The following PDE7A variants were observed in gnomAD, a reference collection of about 807,000 sequenced individuals.
PDE7A encodes the protein high affinity 3',5'-cyclic-AMP phosphodiesterase 7A.
PDE7A carries 39 observed loss-of-function variants against 64.3 expected under a neutral mutation model. The observed-to-expected ratio is 0.61, with a 90% CI of 0.47 to 0.79. PDE7A has a LOEUF of 0.79. Among genes scored for constraint, PDE7A ranks in the 30% least tolerant of loss-of-function variants. The probability of loss-of-function intolerance (pLI) is 0.00; values close to 1 mark genes in which losing one functional copy is unlikely to be tolerated. For synonymous variants in PDE7A, 203 were observed against 206.8 expected, an observed-to-expected ratio of 0.98 and a Z score of 0.16; for missense variants, 470 against 582.8, an observed-to-expected ratio of 0.81 and a Z score of 1.99.
At chr8:65,784,725 C>T (rs1326697006) in intron 1 of PDE7A, among the ~76,000 whole-genome samples, 1 of 150,672 alleles carries the variant, frequency 6.6e-6, no homozygotes, top group African/African-American at 2.4e-5. Context: ...ACTATCCTCC[C>T]ACCAAAAAAA....
chr8:65,742,123 T>C (rs1364262513), intron 5 of PDE7A, among the ~76,000 whole-genome samples: 1 of 152,224 alleles, frequency 6.6e-6, no homozygotes, highest in Non-Finnish European at 1.5e-5. Flanking sequence ...GAAGAACTTT[T>C]TAAAAAATGG....
At chr8:65,745,042 C>T (rs2128905146) in intron 5 of PDE7A, among the ~76,000 whole-genome samples, 1 of 152,220 alleles carries the variant, frequency 6.6e-6, no homozygotes, top group African/African-American at 2.4e-5. Flanking sequence ...GGTGCTTTCC[C>T]CCACACTGTT....
chr8:65,809,859 G>C (rs910963681), intron 1 of PDE7A, among the ~76,000 whole-genome samples: 2 of 152,216 alleles, frequency 1.3e-5, no homozygotes, highest in African/African-American at 4.8e-5. Flanking sequence ...AGGTGCTGGA[G>C]AGGATGTGGA....
intron 7 of PDE7A, 134 bp from the exon 8 acceptor site, chr8:65,727,435 T>TG: frequency 7.7e-7 from 1 of 1,299,296 alleles, no homozygotes; most frequent in Non-Finnish European, 1.0e-6. Context: ...CTCAGGTGGT[T>TG]GTTCATTAGG....
rs954147207 is a variant in PDE7A at position 65,715,333 on chromosome 8, C to T, written c.*3957G>A. ...GCAGGACTGCTTGAGCCCAAGAGTT[C>T]AAGACCAGCCAAGCCAACAAAGAGA... On this transcript the variant is annotated 3_prime_UTR_variant, in exon 13 of 13. Transcript: ENST00000401827. 6.6e-6 allele frequency among the ~76,000 whole-genome samples: 1 copy of T among 151,152 alleles called. No homozygotes were observed. Among genetic ancestry groups the T allele is most frequent in the Non-Finnish European group, 1.5e-5 (1 of 67,816 alleles).
intron 1 of PDE7A, among the ~76,000 whole-genome samples, chr8:65,809,632 C>T (rs570724305): frequency 1.3e-5 from 2 of 152,250 alleles, no homozygotes; most frequent in African/African-American, 4.8e-5. Context: ...CCAGAATCTA[C>T]AAAGAACTTA....
At chr8:65,742,462 T>C (rs1192538358) in intron 5 of PDE7A, among the ~76,000 whole-genome samples, 1 of 152,324 alleles carries the variant, frequency 6.6e-6, no homozygotes, top group South Asian at 2.1e-4. Context: ...TGGGAACGAT[T>C]TGTCTTGGCA....
chr8:65,821,620 C>T (rs1237719055), intron 1 of PDE7A, among the ~76,000 whole-genome samples: 1 of 152,078 alleles, frequency 6.6e-6, no homozygotes, highest in Non-Finnish European at 1.5e-5. Context: ...CAATATGTAC[C>T]ATAAATGTTC....
chr8:65,739,615 A>G lies in PDE7A; in HGVS notation c.500-18T>C. The stretch of plus-strand genomic sequence containing the variant: ...ACTATTTCCTAAAAAGAAAGAAGAG[A>G]CATTACATTAGTAGGAAATACAAGT... On this transcript the variant is annotated intron_variant, in intron 5 of 12. Transcript: ENST00000401827. The G allele has an allele frequency of 6.7e-7, 1 of 1,496,306 alleles. No homozygotes were observed. The highest frequency in any genetic ancestry group is 8.9e-7 in the Non-Finnish European group (1 of 1,125,856). 92.7% of individuals were successfully genotyped at this position (1,496,306 alleles called of 1,614,324 possible). A position where few individuals can be genotyped will look rare whatever the true frequency, so the allele number is the denominator to read the frequency against.
intron 1 of PDE7A, chr8:65,789,142 C>A (rs201830746): frequency 3.7e-6 from 4 of 1,081,162 alleles, no homozygotes; most frequent in Admixed American, 3.3e-5. Context: ...TCTTACCCAG[C>A]GCATGCTTCA....
At chr8:65,778,972 A>C (rs1809330825) in intron 3 of PDE7A, among the ~76,000 whole-genome samples, 1 of 152,218 alleles carries the variant, frequency 6.6e-6, no homozygotes, top group Non-Finnish European at 1.5e-5. Flanking sequence ...AGTGTCCATA[A>C]AAAGCTCTGC....
chr8:65,743,839 CTTT>C (rs71981429), intron 5 of PDE7A, among the ~76,000 whole-genome samples: 2 of 145,288 alleles, frequency 1.4e-5, no homozygotes, highest in Non-Finnish European at 3.0e-5. Context: ...AGCTGAATTG[CTTT>C]TTTTTTTTTT....
intron 3 of PDE7A, among the ~76,000 whole-genome samples, chr8:65,766,819 T>C (rs1013197803): frequency 5.9e-5 from 9 of 152,244 alleles, no homozygotes; most frequent in Admixed American, 4.6e-4. Flanking sequence ...GTTAATTAAA[T>C]GCAGGAGGAC....
At chr8:65,790,668 T>C (rs901254277) in intron 1 of PDE7A, among the ~76,000 whole-genome samples, 1 of 152,204 alleles carries the variant, frequency 6.6e-6, no homozygotes, top group Non-Finnish European at 1.5e-5. Flanking sequence ...CCTGAAACCA[T>C]TCTTAACACA....
intron 1 of PDE7A, among the ~76,000 whole-genome samples, chr8:65,793,484 T>TAAA (rs11339152): frequency 7.3e-6 from 1 of 137,826 alleles, no homozygotes; most frequent in Non-Finnish European, 1.6e-5. Flanking sequence ...TAAAGTTTCC[T>TAAA]AAAAAAAAAA....
chr8:65,809,198 A>G (rs1810182126), intron 1 of PDE7A, among the ~76,000 whole-genome samples: 1 of 152,214 alleles, frequency 6.6e-6, no homozygotes, highest in Admixed American at 6.5e-5. Flanking sequence ...GATAAAGTAT[A>G]TGAAGACTAT....
chr8:65,727,397 G>GGTA, intron 7 of PDE7A, 96 bp from the exon 8 acceptor site: 1 of 1,525,996 alleles, frequency 6.6e-7, no homozygotes, highest in Non-Finnish European at 8.8e-7. Context: ...TGGTAGTGGT[G>GGTA]GTAATCTCCT....
chr8:65,767,591 A>G (rs1373776715), intron 3 of PDE7A, among the ~76,000 whole-genome samples: 1 of 152,120 alleles, frequency 6.6e-6, no homozygotes, highest in East Asian at 1.9e-4. Context: ...CTCTCCCCAG[A>G]GAGGGTCTTG....
chr8:65,756,255 T>C (rs1433248171), intron 3 of PDE7A, among the ~76,000 whole-genome samples: 1 of 152,216 alleles, frequency 6.6e-6, no homozygotes, highest in Non-Finnish European at 1.5e-5. Context: ...TCTGAGTTTG[T>C]CCTGATTGGA....
Sources: gnomAD v4.1 joint callset for allele counts (sites outside exome capture counted in the v4.1 genomes callset) on GRCh38, gnomAD v4.1.1 for gene constraint, MANE v1.5 for transcripts, NCBI Gene and HGNC (gene_info 2026-07-23, HGNC 2026-07-21) for gene names.